PHLPP1: variants seen among roughly 807,000 people sequenced by gnomAD.
The protein encoded by PHLPP1 is PH domain leucine-rich repeat-containing protein phosphatase 1.
Under a neutral mutation model 117.2 loss-of-function variants are expected in PHLPP1, and 42 were observed. The ratio of observed to expected loss-of-function variants is 0.36; its 90% confidence interval spans 0.28 to 0.46. PHLPP1 has a LOEUF of 0.46. Ranked by LOEUF, PHLPP1 falls within the 20% of genes least tolerant of loss-of-function variation. The pLI is 1.00. For synonymous variants in PHLPP1, 1,042 were observed against 970.7 expected (o/e 1.07, Z -1.37); for missense variants, 2,084 against 2,241.9 (o/e 0.93, Z 1.42).
At chr18:62,830,925 A>G (rs1237851779) in intron 2 of PHLPP1, among the ~76,000 whole-genome samples, 1 of 152,174 alleles carries the variant, frequency 6.6e-6, no homozygotes, top group Non-Finnish European at 1.5e-5. Flanking sequence ...TTGAGTCTAT[A>G]GTGCTTAAGT....
chr18:62,817,749 A>C (rs1470145761), intron 1 of PHLPP1, among the ~76,000 whole-genome samples: 1 of 152,156 alleles, frequency 6.6e-6, no homozygotes, highest in Non-Finnish European at 1.5e-5. Flanking sequence ...GTATGCTAAG[A>C]AGCATAATTA....
At chr18:62,969,453 G>C (rs1910991998) in intron 14 of PHLPP1, among the ~76,000 whole-genome samples, 1 of 151,886 alleles carries the variant, frequency 6.6e-6, no homozygotes, top group Non-Finnish European at 1.5e-5. Flanking sequence ...TACCTATCTT[G>C]GTAAAAGTTC....
intron 4 of PHLPP1, among the ~76,000 whole-genome samples, chr18:62,885,890 C>T (rs1343314568): frequency 6.6e-6 from 1 of 152,258 alleles, no homozygotes; most frequent in East Asian, 1.9e-4. Flanking sequence ...ACATGGTCTA[C>T]TGTTGTCTAG....
chr18:62,882,597 A>C (rs945997649), intron 4 of PHLPP1, among the ~76,000 whole-genome samples: 4 of 152,174 alleles, frequency 2.6e-5, no homozygotes, highest in African/African-American at 9.7e-5. Context: ...AAGTATATTC[A>C]ATACACATTT....
At chr18:62,735,797 G>A (rs1437178671) in intron 1 of PHLPP1, among the ~76,000 whole-genome samples, 2 of 152,016 alleles carry the variant, frequency 1.3e-5, no homozygotes, top group Non-Finnish European at 2.9e-5. Flanking sequence ...ATGTAATATT[G>A]GAATAGACTA....
intron 4 of PHLPP1, among the ~76,000 whole-genome samples, chr18:62,868,501 A>T (rs1347025554): frequency 6.6e-6 from 1 of 152,078 alleles, no homozygotes; most frequent in East Asian, 1.9e-4. Context: ...GCACACCTAT[A>T]ATCCCAGCTC....
intron 1 of PHLPP1, among the ~76,000 whole-genome samples, chr18:62,769,346 G>A (rs1452216815): frequency 1.3e-5 from 2 of 152,136 alleles, no homozygotes; most frequent in Non-Finnish European, 2.9e-5. Context: ...GTTTTGAAGC[G>A]TTTTATTTTA....
At chr18:62,929,115 T>G (rs1438643406) in intron 10 of PHLPP1, among the ~76,000 whole-genome samples, 8 of 152,150 alleles carry the variant, frequency 5.3e-5, no homozygotes, top group African/African-American at 1.9e-4. Context: ...GTCACACAAT[T>G]TAAAAGGGTA....
intron 14 of PHLPP1, among the ~76,000 whole-genome samples, chr18:62,972,161 G>T (rs1003479778): frequency 6.6e-6 from 1 of 152,236 alleles, no homozygotes; most frequent in African/African-American, 2.4e-5. Context: ...TTGGCTGGAT[G>T]TGGAGATTGT....
At chr18:62,836,530 A>G (rs1819975096) in intron 2 of PHLPP1, among the ~76,000 whole-genome samples, 1 of 151,784 alleles carries the variant, frequency 6.6e-6, no homozygotes, top group African/African-American at 2.4e-5. Flanking sequence ...TTCAAGATAA[A>G]TCTTTGTGAC....
intron 1 of PHLPP1, among the ~76,000 whole-genome samples, chr18:62,771,073 G>T (rs1391807943): frequency 1.3e-5 from 2 of 151,960 alleles, no homozygotes; most frequent in African/African-American, 4.8e-5. Context: ...AATGAACTGG[G>T]CATGGTGGCG....
intron 3 of PHLPP1, 73 bp downstream of exon 3, chr18:62,838,982 G>T (rs1287567697): frequency 2.0e-6 from 3 of 1,515,684 alleles, no homozygotes; most frequent in Non-Finnish European, 2.7e-6. Context: ...CTTTAGCTGG[G>T]TCTAAAATAT....
At chr18:62,951,602 A>G (rs1240757885) in intron 12 of PHLPP1, among the ~76,000 whole-genome samples, 2 of 152,214 alleles carry the variant, frequency 1.3e-5, no homozygotes, top group East Asian at 3.9e-4. Flanking sequence ...GCCTGGAATC[A>G]CTTGTAAATT....
chr18:62,977,416 A>G (rs1004110078), intron 16 of PHLPP1, among the ~76,000 whole-genome samples: 1 of 132,610 alleles, frequency 7.5e-6, no homozygotes, highest in Non-Finnish European at 1.6e-5. Flanking sequence ...AGAACCAAGC[A>G]GGTACACGTG....
intron 10 of PHLPP1, among the ~76,000 whole-genome samples, chr18:62,937,082 A>T (rs1909995851): frequency 6.6e-6 from 1 of 152,196 alleles, no homozygotes; most frequent in Non-Finnish European, 1.5e-5. Flanking sequence ...CAAATAGATA[A>T]ATCTGTTATG....
Position 62,945,274 on chromosome 18 carries a change from A to T in PHLPP1, c.3324+3A>T, listed in dbSNP as rs761675824. 4.4e-6 allele frequency: 7 copies of T among 1,590,232 alleles called. No individual in the cohort carries two copies. The African/African-American group carries it at 6.8e-5, about 15-fold the overall frequency. On this transcript the variant is annotated splice_donor_region_variant and intron_variant, in intron 12 of 16. Coordinates refer to ENST00000262719, the MANE Select transcript of PHLPP1 (RefSeq NM_194449.4). ...TTATGCAGCTCCCAGAGATCAAGGT[A>T]TGTGGTTTCATTTCATAAACTCTAA...
intron 2 of PHLPP1, among the ~76,000 whole-genome samples, chr18:62,833,326 G>A (rs767532320): frequency 6.6e-5 from 10 of 152,212 alleles, no homozygotes; most frequent in South Asian, 4.1e-4. Flanking sequence ...CGCCTGCTTC[G>A]GCCTCCCATA....
chr18:62,721,265 G>C (rs952771771), intron 1 of PHLPP1, among the ~76,000 whole-genome samples: 1 of 152,112 alleles, frequency 6.6e-6, no homozygotes, highest in African/African-American at 2.4e-5. Flanking sequence ...AAATATCCTG[G>C]TTGCAAATAG....
At chr18:62,760,947 C>T (rs1912204475) in intron 1 of PHLPP1, among the ~76,000 whole-genome samples, 1 of 152,272 alleles carries the variant, frequency 6.6e-6, no homozygotes, top group Admixed American at 6.5e-5. Flanking sequence ...GCCATCTCGA[C>T]TCTCTGAGCT....
Sources: gnomAD v4.1 joint callset for allele counts (sites outside exome capture counted in the v4.1 genomes callset) on GRCh38, gnomAD v4.1.1 for gene constraint, MANE v1.5 for transcripts, NCBI Gene and HGNC (gene_info 2026-07-23, HGNC 2026-07-21) for gene names.